Variants in UTP4 observed in about 807,000 individuals in gnomAD.
UTP4 encodes the protein UTP4 small subunit processome component, also known as U3 small nucleolar RNA-associated protein 4 homolog.
A neutral mutation model predicts 82.4 loss-of-function variants in UTP4; 45 were observed. The observed-to-expected ratio is 0.55, with a 90% CI of 0.43 to 0.70. The LOEUF (loss-of-function observed/expected upper bound fraction) is 0.70, where lower values mean the gene tolerates loss of function less well. Ranked by LOEUF, UTP4 falls within the 30% of genes least tolerant of loss-of-function variation. The pLI, the probability that UTP4 is intolerant of heterozygous loss-of-function variation, is 0.00. For synonymous variants in UTP4, 348 were observed against 300.3 expected (o/e 1.16, Z -1.64); for missense variants, 819 against 858.3 (o/e 0.95, Z 0.57).
chr16:69,152,096 A>G (rs1963287919), intron 8 of UTP4, among the ~76,000 whole-genome samples: 1 of 150,928 alleles, frequency 6.6e-6, no homozygotes, highest in Non-Finnish European at 1.5e-5. Context: ...ATATGGTTTG[A>G]TGAGGTTGAA....
intron 6 of UTP4, among the ~76,000 whole-genome samples, chr16:69,146,992 A>T (rs1402636772): frequency 1.1e-4 from 15 of 130,568 alleles, no homozygotes; most frequent in African/African-American, 4.5e-4. Flanking sequence ...ACAGAGCGAG[A>T]CTCTGCCTCA....
Position 69,133,543 on chromosome 16 carries a change from A to G in UTP4, c.84A>G (p.Ser28=), listed in dbSNP as rs1962714937. 6.2e-7 allele frequency: 1 copy of G among 1,614,046 alleles called. No individual in the cohort carries two copies. The highest frequency in any genetic ancestry group is 1.1e-5 in the South Asian group (1 of 91,094). Residue 28 remains serine (S), a synonymous_variant, in exon 2 of 17, where the codon TCA becomes TCG. Transcript: ENST00000314423. The part of the protein sequence containing the change: ...GIRCVAYNNQ[S]NRLAVSRTDG... The stretch of plus-strand genomic sequence containing the variant: ...GCTGTGTGGCTTACAATAACCAGTC[A>G]AACAGATTGGCTGTTTCACGAACAG...
At chr16:69,153,234 G>T (rs1963322916) in intron 8 of UTP4, among the ~76,000 whole-genome samples, 1 of 152,126 alleles carries the variant, frequency 6.6e-6, no homozygotes, top group Admixed American at 6.6e-5. Context: ...AACCTCATCT[G>T]GGCTTCTGTA....
At chr16:69,163,504 G>A (rs1278043306) in intron 14 of UTP4, among the ~76,000 whole-genome samples, 6 of 152,004 alleles carry the variant, frequency 3.9e-5, no homozygotes, top group Non-Finnish European at 1.5e-5. Flanking sequence ...ACTGGATATG[G>A]GATGGAATAA....
At chr16:69,139,682 A>ATAAATAAATAAAT in intron 4 of UTP4, 143 bp from the exon 5 acceptor site, 1 of 342,606 alleles carries the variant, frequency 2.9e-6, no homozygotes, top group South Asian at 7.4e-5. Context: ...AAATAAATAA[A>ATAAATAAATAAAT]TAAAATGGTG....
chr16:69,151,602 G>A (rs1407164448), intron 8 of UTP4, among the ~76,000 whole-genome samples: 5 of 150,782 alleles, frequency 3.3e-5, no homozygotes, highest in Non-Finnish European at 7.4e-5. Context: ...TTACAGGCGT[G>A]AGCCACTGTG....
Position 69,148,943 on chromosome 16 carries a change from TTTTTG to T in UTP4, c.739-1579_739-1575del, listed in dbSNP as rs527891357. 5.3e-5 allele frequency among the ~76,000 whole-genome samples: 8 copies of T among 152,144 alleles called. No individual in the cohort carries two copies. The East Asian group carries it at 9.6e-4, about 18-fold the overall frequency. On this transcript the variant is annotated intron_variant, in intron 6 of 16. Coordinates refer to ENST00000314423, the MANE Select transcript of UTP4 (RefSeq NM_032830.3). Reference sequence around the variant, plus strand: ...GGTTTTTTGTGTTGTGAGTTGTGTTTTTTTGTTTTGTTTTGTTTTTTCTTGTTTAT... The same window carrying T: ...GGTTTTTTGTGTTGTGAGTTGTGTTTTTTTGTTTTGTTTTTTCTTGTTTAT...
chr16:69,140,631 C>T (rs535689268), intron 5 of UTP4, among the ~76,000 whole-genome samples: 1 of 151,934 alleles, frequency 6.6e-6, no homozygotes, highest in South Asian at 2.1e-4. Context: ...GGAGAATCGC[C>T]CCATTGCACT....
intron 16 of UTP4, 28 bp downstream of exon 16, chr16:69,167,213 A>G: frequency 6.9e-7 from 1 of 1,447,394 alleles, no homozygotes; most frequent in Non-Finnish European, 9.7e-7. Flanking sequence ...GTTATTCTGG[A>G]TAGTTGGTTC....
intron 6 of UTP4, among the ~76,000 whole-genome samples, chr16:69,146,886 C>T (rs1963125180): frequency 6.6e-6 from 1 of 151,040 alleles, no homozygotes; most frequent in African/African-American, 2.4e-5. Context: ...GCCTGTAGTC[C>T]CAGCTACTCG....
intron 8 of UTP4, among the ~76,000 whole-genome samples, chr16:69,151,223 C>T (rs1355723685): frequency 6.6e-6 from 1 of 152,044 alleles, no homozygotes; most frequent in Non-Finnish European, 1.5e-5. Flanking sequence ...TCAGGCTGAT[C>T]TCGGAACTCC....
chr16:69,136,936 G>T lies in UTP4; in HGVS notation c.351+49G>T, dbSNP rs372724558. Reference sequence around the variant, plus strand: ...TCAAACCAAAATTTCTCTCGTGCCTGCTCAGACTTTCTTCCCTGTGCTCAT... The same window carrying T: ...TCAAACCAAAATTTCTCTCGTGCCTTCTCAGACTTTCTTCCCTGTGCTCAT... On this transcript the variant is annotated intron_variant, in intron 3 of 16. Transcript: ENST00000314423. The T allele has an allele frequency of 1.2e-4, 186 of 1,498,406 alleles. 1 individual carries two copies. Among genetic ancestry groups the T allele is most frequent in the Non-Finnish European group, 1.7e-4 (180 of 1,074,868 alleles). The allele number at this position is 1,498,406 out of a possible 1,614,324, so 92.8% of individuals were successfully genotyped here. A position where few individuals can be genotyped will look rare whatever the true frequency, so the allele number is the denominator to read the frequency against.
intron 12 of UTP4, among the ~76,000 whole-genome samples, 170 bp downstream of exon 12, chr16:69,157,410 C>G (rs1963448307): frequency 6.6e-6 from 1 of 152,170 alleles, no homozygotes; most frequent in Non-Finnish European, 1.5e-5. Flanking sequence ...GATGAAGACT[C>G]TCGATGAGAT....
At chr16:69,160,512 G>C in intron 13 of UTP4, 50 bp downstream of exon 13, 1 of 1,319,850 alleles carries the variant, frequency 7.6e-7, no homozygotes. Context: ...ACAGGAGCCA[G>C]TTCACCCTGC....
chr16:69,152,068 A>G (rs535316082), intron 8 of UTP4, among the ~76,000 whole-genome samples: 21 of 151,154 alleles, frequency 1.4e-4, no homozygotes, highest in Non-Finnish European at 2.1e-4. Context: ...TATATTAAAA[A>G]TCATACATAT....
intron 6 of UTP4, among the ~76,000 whole-genome samples, chr16:69,146,832 TA>T (rs971177872): frequency 1.7e-3 from 234 of 141,448 alleles, no homozygotes; most frequent in Non-Finnish European, 1.7e-3. Flanking sequence ...CCATCTCTAC[TA>T]AAAAAAAAAA....
chr16:69,167,462 G>C, intron 16 of UTP4: 1 of 405,106 alleles, frequency 2.5e-6, no homozygotes, highest in South Asian at 2.3e-5. Flanking sequence ...GTTGTCATGA[G>C]AGCTGGCTTT....
At chr16:69,146,164 C>T (rs1480140410) in intron 6 of UTP4, among the ~76,000 whole-genome samples, 6 of 151,882 alleles carry the variant, frequency 4.0e-5, no homozygotes, top group African/African-American at 9.7e-5. Flanking sequence ...TTGTAATTCT[C>T]CCCACATTAT....
chr16:69,149,135 C>T (rs1292154320), intron 6 of UTP4, among the ~76,000 whole-genome samples: 1 of 151,700 alleles, frequency 6.6e-6, no homozygotes, highest in Non-Finnish European at 1.5e-5. Context: ...AATCCCAGCA[C>T]TTTGGGAGGC....
Sources: gnomAD v4.1 joint callset for allele counts (sites outside exome capture counted in the v4.1 genomes callset) on GRCh38, gnomAD v4.1.1 for gene constraint, MANE v1.5 for transcripts, NCBI Gene and HGNC (gene_info 2026-07-23, HGNC 2026-07-21) for gene names.